The following LSAMP variants were observed in gnomAD, a reference collection of about 807,000 sequenced individuals.
LSAMP encodes the protein limbic system-associated membrane protein.
Under a neutral mutation model 38.6 loss-of-function variants are expected in LSAMP, and 7 were observed. The ratio of observed to expected loss-of-function variants is 0.18; its 90% CI spans 0.10 to 0.34. The LOEUF (loss-of-function observed/expected upper bound fraction) is 0.34. Among genes scored for constraint, LSAMP ranks in the 10% least tolerant of loss-of-function variants. The probability of loss-of-function intolerance (pLI) is 1.00; values close to 1 mark genes in which losing one functional copy is unlikely to be tolerated. For synonymous variants in LSAMP, 154 were observed against 166.8 expected, an observed-to-expected ratio of 0.92 and a Z score of 0.59; for missense variants, 313 against 420.0, an observed-to-expected ratio of 0.75 and a Z score of 2.23.
At chr3:116,273,707 T>TATATACAC (rs1307543165) in intron 1 of LSAMP, among the ~76,000 whole-genome samples, 5 of 102,590 alleles carry the variant, frequency 4.9e-5, no homozygotes, top group East Asian at 5.7e-4. Flanking sequence ...TATATATATA[T>TATATACAC]ACACACACAC....
intron 6 of LSAMP, among the ~76,000 whole-genome samples, chr3:115,840,081 C>T (rs1934946942): frequency 6.6e-6 from 1 of 152,072 alleles, no homozygotes; most frequent in Non-Finnish European, 1.5e-5. Context: ...CTTTCTTTTT[C>T]CTCTCTCTCA....
chr3:116,071,160 A>AT (rs1707596381), intron 2 of LSAMP, among the ~76,000 whole-genome samples: 1 of 139,616 alleles, frequency 7.2e-6, no homozygotes, highest in South Asian at 2.2e-4. Flanking sequence ...AGCATAGATG[A>AT]TTTTGTGAGT....
At chr3:116,317,556 C>T (rs770040704) in intron 1 of LSAMP, among the ~76,000 whole-genome samples, 24 of 151,608 alleles carry the variant, frequency 1.6e-4, no homozygotes, top group Non-Finnish European at 3.1e-4. Flanking sequence ...GGAGTTTCAC[C>T]GTGTTAGCTA....
At chr3:115,901,378 G>A (rs1375299050) in intron 3 of LSAMP, among the ~76,000 whole-genome samples, 1 of 152,062 alleles carries the variant, frequency 6.6e-6, no homozygotes, top group African/African-American at 2.4e-5. Context: ...TACTTGGGCT[G>A]CAATTACTCC....
At chr3:115,904,436 T>C (rs1936958758) in intron 3 of LSAMP, among the ~76,000 whole-genome samples, 1 of 152,060 alleles carries the variant, frequency 6.6e-6, no homozygotes, top group African/African-American at 2.4e-5. Context: ...CAGATAAAAT[T>C]ATAGAAGAGT....
At chr3:116,000,755 C>T (rs1379875286) in intron 3 of LSAMP, among the ~76,000 whole-genome samples, 1 of 152,064 alleles carries the variant, frequency 6.6e-6, no homozygotes, top group Non-Finnish European at 1.5e-5. Context: ...ACCCTGAAGT[C>T]GAGGACACCC....
intron 1 of LSAMP, among the ~76,000 whole-genome samples, chr3:116,118,378 G>A (rs1708800377): frequency 6.6e-6 from 1 of 152,074 alleles, no homozygotes; most frequent in Admixed American, 6.5e-5. Context: ...GATTGCTTTG[G>A]TTCTCAGCTT....
intron 1 of LSAMP, among the ~76,000 whole-genome samples, chr3:116,089,276 G>T (rs1292015903): frequency 1.3e-5 from 2 of 152,164 alleles, no homozygotes; most frequent in African/African-American, 4.8e-5. Flanking sequence ...TTTGATCTGG[G>T]TTTTATCCGT....
intron 1 of LSAMP, among the ~76,000 whole-genome samples, chr3:116,185,259 GT>G (rs1194968286): frequency 1.3e-5 from 2 of 151,864 alleles, no homozygotes; most frequent in African/African-American, 2.4e-5. Context: ...AATGTAGTTA[GT>G]TACTTACCTC....
At chr3:116,341,178 C>G (rs1472505059) in intron 1 of LSAMP, among the ~76,000 whole-genome samples, 1 of 151,860 alleles carries the variant, frequency 6.6e-6, no homozygotes. Context: ...AGCAAACTCT[C>G]AAAACCTTTA....
chr3:116,379,247 A>G (rs2048529021), intron 1 of LSAMP, among the ~76,000 whole-genome samples: 1 of 152,084 alleles, frequency 6.6e-6, no homozygotes, highest in South Asian at 2.1e-4. Flanking sequence ...ATATAGTCGC[A>G]TATGTTTTCA....
At chr3:116,282,190 A>G (rs1412354018) in intron 1 of LSAMP, among the ~76,000 whole-genome samples, 2 of 152,200 alleles carry the variant, frequency 1.3e-5, no homozygotes, top group African/African-American at 4.8e-5. Flanking sequence ...TTACAAGGAC[A>G]GAGGGAAAAA....
chr3:116,294,338 T>G (rs2047302762), intron 1 of LSAMP, among the ~76,000 whole-genome samples: 1 of 152,204 alleles, frequency 6.6e-6, no homozygotes, highest in Admixed American at 6.5e-5. Context: ...TTTACTACAA[T>G]TATTCCAAAT....
At chr3:116,210,929 G>A (rs1028221969) in intron 1 of LSAMP, among the ~76,000 whole-genome samples, 57 of 151,730 alleles carry the variant, frequency 3.8e-4, no homozygotes, top group African/African-American at 1.3e-3. Flanking sequence ...AGGATTCAAC[G>A]TCTATGTCTA....
chr3:116,347,966 A>G (rs1337170506), intron 1 of LSAMP, among the ~76,000 whole-genome samples: 5 of 152,050 alleles, frequency 3.3e-5, no homozygotes, highest in Non-Finnish European at 7.4e-5. Flanking sequence ...TGAAGCATCA[A>G]TGTGGGAAAA....
intron 1 of LSAMP, among the ~76,000 whole-genome samples, chr3:116,440,701 T>G (rs2049421378): frequency 6.6e-6 from 1 of 152,236 alleles, no homozygotes; most frequent in Admixed American, 6.5e-5. Context: ...TATGCTATAC[T>G]CCATCATTTA....
chr3:115,933,716 G>T (rs919565045), intron 3 of LSAMP, among the ~76,000 whole-genome samples: 6 of 152,160 alleles, frequency 3.9e-5, no homozygotes, highest in African/African-American at 1.4e-4. Context: ...CCATACTGTG[G>T]TGACAAGAAA....
chr3:116,217,789 C>T (rs2046238612), intron 1 of LSAMP, among the ~76,000 whole-genome samples: 1 of 152,184 alleles, frequency 6.6e-6, no homozygotes, highest in African/African-American at 2.4e-5. Flanking sequence ...GATCCTGACA[C>T]TTTTGTTCCC....
In LSAMP at chr3:115,900,659, G is replaced by A. The variant is rs371871580; in HGVS notation, c.515-48042C>T. Among the ~76,000 whole-genome samples, 26 of 152,264 alleles carry A rather than the reference G, an allele frequency of 1.7e-4. No individual in the cohort carries two copies. The East Asian group carries it at 5.0e-3, about 29-fold the overall frequency. Reference sequence around the variant, plus strand: ...CATGAAAGGATGGAAGGGTACATGAGCAGGCATACAACCAAAAGGAGAGAA... The same window carrying A: ...CATGAAAGGATGGAAGGGTACATGAACAGGCATACAACCAAAAGGAGAGAA... On this transcript the variant is annotated intron_variant, in intron 3 of 6. Coordinates refer to ENST00000490035, the MANE Select transcript of LSAMP (RefSeq NM_002338.5).
Sources: allele counts gnomAD v4.1 joint callset (sites outside exome capture counted in the v4.1 genomes callset), GRCh38; gene constraint gnomAD v4.1.1; transcripts MANE v1.5; gene names NCBI Gene and HGNC (gene_info 2026-07-23, HGNC 2026-07-21).